Variants in TEX10 observed in about 807,000 individuals in gnomAD.
TEX10 encodes testis-expressed protein 10.
A neutral mutation model predicts 104.4 loss-of-function variants in TEX10; 24 were observed. The ratio of observed to expected loss-of-function variants is 0.23; its 90% CI spans 0.17 to 0.32. TEX10 has a LOEUF of 0.32. Ranked by LOEUF, TEX10 falls within the 10% of genes least tolerant of loss-of-function variation. TEX10 has a pLI of 1.00. For synonymous variants in TEX10, 396 were observed against 393.4 expected (o/e 1.01, Z -0.08); for missense variants, 921 against 1,083.9 (o/e 0.85, Z 2.11).
At chr9:100,330,998 G>T (rs150607881) in intron 5 of TEX10, among the ~76,000 whole-genome samples, 2 of 152,166 alleles carry the variant, frequency 1.3e-5, no homozygotes, top group African/African-American at 4.8e-5. Flanking sequence ...GCTCACGCCC[G>T]TAATCCCAGC....
chr9:100,320,688 G>A (rs1834546486), intron 10 of TEX10, among the ~76,000 whole-genome samples: 1 of 152,100 alleles, frequency 6.6e-6, no homozygotes. Flanking sequence ...TAGAGTGAAA[G>A]GCATAATCTT....
chr9:100,344,348 A>G lies in TEX10; in HGVS notation c.1137+1724T>C, dbSNP rs190103766. Among the ~76,000 whole-genome samples the G allele has an allele frequency of 1.1e-3, 174 of 152,362 alleles. 1 individual carries two copies. The highest frequency in any genetic ancestry group is 9.4e-3 in the Admixed American group (144 of 15,302). The stretch of plus-strand genomic sequence containing the variant: ...TTTTAAATATCCATAAAACTAAAGC[A>G]GTATTTAGATCCTTTGTTAGTGTTA... On this transcript the variant is annotated intron_variant, in intron 4 of 14. Transcript: ENST00000374902.
chr9:100,335,618 C>T (rs570623028), intron 5 of TEX10, among the ~76,000 whole-genome samples: 1 of 152,012 alleles, frequency 6.6e-6, no homozygotes, highest in South Asian at 2.1e-4. Context: ...TACATGTCTA[C>T]TAGTATAGTT....
At chr9:100,308,791 C>T in intron 12 of TEX10, 110 bp from the exon 13 acceptor site, 1 of 977,002 alleles carries the variant, frequency 1.0e-6, no homozygotes, top group East Asian at 2.9e-5. Context: ...CTACTGAAAA[C>T]CAATATATAC....
intron 9 of TEX10, among the ~76,000 whole-genome samples, chr9:100,324,854 A>T (rs1030242251): frequency 5.9e-5 from 9 of 152,288 alleles, no homozygotes; most frequent in East Asian, 3.9e-4. Flanking sequence ...AATTTTTTTT[A>T]AAAATTTAAC....
intron 9 of TEX10, among the ~76,000 whole-genome samples, chr9:100,323,775 A>T (rs1472468592): frequency 6.7e-6 from 1 of 149,854 alleles, no homozygotes; most frequent in African/African-American, 2.6e-5. Flanking sequence ...TCAGAACTAC[A>T]AAAATTGAGC....
chr9:100,320,197 T>A, intron 11 of TEX10, 68 bp downstream of exon 11: 1 of 1,432,436 alleles, frequency 7.0e-7, no homozygotes, highest in Non-Finnish European at 9.4e-7. Flanking sequence ...AACTCATATA[T>A]AGTAACTATT....
intron 9 of TEX10, among the ~76,000 whole-genome samples, chr9:100,323,213 C>T (rs1439247008): frequency 6.6e-6 from 1 of 152,174 alleles, no homozygotes; most frequent in Non-Finnish European, 1.5e-5. Flanking sequence ...AAATGACAAG[C>T]AATATATCAT....
intron 11 of TEX10, among the ~76,000 whole-genome samples, chr9:100,320,038 T>C (rs1445591802): frequency 6.6e-6 from 1 of 152,208 alleles, no homozygotes; most frequent in East Asian, 1.9e-4. Context: ...TTTCCTCTTT[T>C]AAAAAGATGG....
intron 14 of TEX10, 57 bp downstream of exon 14, chr9:100,303,575 C>T (rs776608990): frequency 9.8e-5 from 155 of 1,583,862 alleles, no homozygotes; most frequent in Non-Finnish European, 1.3e-4. Flanking sequence ...CCCATGCCCC[C>T]GTCATAAATT....
At chr9:100,333,250 C>T (rs1357892142) in intron 5 of TEX10, among the ~76,000 whole-genome samples, 1 of 152,116 alleles carries the variant, frequency 6.6e-6, no homozygotes, top group African/African-American at 2.4e-5. Context: ...AGGTGTGAGC[C>T]ACTGTGCCCG....
intron 5 of TEX10, 37 bp downstream of exon 5, chr9:100,340,220 C>T: frequency 7.6e-7 from 1 of 1,309,372 alleles, no homozygotes; most frequent in Non-Finnish European, 1.0e-6. Context: ...GGTTAAACAG[C>T]TTTTCAAGGT....
chr9:100,304,092 TCA>T lies in TEX10; in HGVS notation c.2466-252_2466-251del, dbSNP rs1834085112. 4.5e-5 allele frequency: 24 copies of T among 535,876 alleles called. No homozygotes were observed. In the South Asian group the frequency reaches 4.9e-4, roughly 11 times the overall value. The allele number at this position is 535,876 out of a possible 1,614,324, so 33.2% of individuals were successfully genotyped here. A position where few individuals can be genotyped will look rare whatever the true frequency, so the allele number is the denominator to read the frequency against. On this transcript the variant is annotated intron_variant, in intron 13 of 14. Coordinates refer to ENST00000374902, the MANE Select transcript of TEX10 (RefSeq NM_017746.4). ...AACTACAGAACACTGCTGAGAGAAA[TCA>T]CAGATGACACAGATAAATGGAAAAA...
rs771804501 is a variant in TEX10, at chr9:100,302,244, C to T, written c.2737G>A (p.Val913Met). 24 of 1,613,534 alleles carry T rather than the reference C, an allele frequency of 1.5e-5. No homozygotes were observed. Among genetic ancestry groups the T allele is most frequent in the Non-Finnish European group, 1.7e-5 (20 of 1,179,738 alleles). ...WLTDLHYCFNVYITGHPQGPS... is the reference protein window; with the variant it reads ...WLTDLHYCFNMYITGHPQGPS... ...CCTTGGGGATGCCCAGTGATATACA[C>T]GTTGAAGCAGTAATGTAAGTCTGTG... is the stretch of plus-strand genomic sequence containing the variant. Residue 913 changes from valine to methionine, a missense_variant, in exon 15 of 15, where the codon GTG becomes ATG. Physicochemically the swap from Val to Met is conservative, Grantham distance 21. Coordinates refer to ENST00000374902, the MANE Select transcript of TEX10 (RefSeq NM_017746.4).
At chr9:100,342,793 A>T (rs182095066) in intron 4 of TEX10, among the ~76,000 whole-genome samples, 19 of 152,320 alleles carry the variant, frequency 1.2e-4, no homozygotes, top group Non-Finnish European at 2.6e-4. Flanking sequence ...CTACTAATAC[A>T]GTACCCTAAA....
intron 4 of TEX10, among the ~76,000 whole-genome samples, 167 bp from the exon 5 acceptor site, chr9:100,340,536 C>T (rs1835147112): frequency 6.6e-6 from 1 of 152,182 alleles, no homozygotes; most frequent in African/African-American, 2.4e-5. Context: ...ACTGTTAAAG[C>T]ACCCACTTTT....
Position 100,302,295 on chromosome 9 carries a change from T to C in TEX10, c.2686A>G (p.Ser896Gly). 6.2e-7 allele frequency: 1 copy of C among 1,610,906 alleles called. No individual in the cohort carries two copies. Among genetic ancestry groups the C allele is most frequent in the Non-Finnish European group, 8.5e-7 (1 of 1,177,758 alleles). Reference sequence around the variant, plus strand: ...AGCCACTGTTCCTGAACACTTCCACTCTTCAATGTCTGGAGAGAAAAACAA... The same window carrying C: ...AGCCACTGTTCCTGAACACTTCCACCCTTCAATGTCTGGAGAGAAAAACAA... ...QIIKNITTLKSGSVQEQWLTD... is the reference protein window; with the variant it reads ...QIIKNITTLKGGSVQEQWLTD... The change falls in exon 15 of 15, where the codon AGT becomes GGT. Residue 896 changes from serine (S) to glycine (G), a missense_variant. Physicochemically the swap from Ser to Gly is moderately conservative, Grantham distance 56. Coordinates refer to ENST00000374902, the MANE Select transcript of TEX10 (RefSeq NM_017746.4).
chr9:100,330,011 T>A lies in TEX10; in HGVS notation c.1409A>T (p.Asp470Val). The change falls in exon 6 of 15, where the codon GAT (aspartate) becomes GTT (valine). Residue 470 changes from aspartate to valine, a missense_variant. Coordinates refer to ENST00000374902, the MANE Select transcript of TEX10 (RefSeq NM_017746.4). Reference sequence around the variant, plus strand: ...TTGCTTACTATTTAGCCTAGAGCCATCTTCAAGGGTCTCTGTTACAAATTT... The same window carrying A: ...TTGCTTACTATTTAGCCTAGAGCCAACTTCAAGGGTCTCTGTTACAAATTT... The part of the protein sequence containing the change: ...IRKFVTETLE[D>V]GSRLNSKQLN... 1 of 1,614,156 alleles carries A rather than the reference T, an allele frequency of 6.2e-7. No individual in the cohort carries two copies. Among genetic ancestry groups the A allele is most frequent in the Non-Finnish European group, 8.5e-7 (1 of 1,180,000 alleles).
At position 100,346,969 on chromosome 9, in the gene TEX10, C is replaced by T; in HGVS notation, c.618G>A (p.Gln206=). 6.2e-7 allele frequency: 1 copy of T among 1,614,212 alleles called. No homozygotes were observed. The highest frequency in any genetic ancestry group is 8.5e-7 in the Non-Finnish European group (1 of 1,180,034). The change falls in exon 3 of 15, where the codon CAG becomes CAA. Residue 206 remains glutamine, a synonymous_variant. Coordinates refer to ENST00000374902, the MANE Select transcript of TEX10 (RefSeq NM_017746.4). Reference sequence around the variant, plus strand: ...TAGGATTTACAGAAAGTATCCAGGACTGGGATCTGTCTCTATTTATCAGTC... The same window carrying T: ...TAGGATTTACAGAAAGTATCCAGGATTGGGATCTGTCTCTATTTATCAGTC... ...SKGLINRDRS[Q]SWILSVNPNR...
Sources: allele counts gnomAD v4.1 joint callset (sites outside exome capture counted in the v4.1 genomes callset), GRCh38; gene constraint gnomAD v4.1.1; transcripts MANE v1.5; gene names NCBI Gene and HGNC (gene_info 2026-07-23, HGNC 2026-07-21).